GRID2: variants seen among roughly 807,000 people sequenced by gnomAD.
GRID2 encodes the protein glutamate ionotropic receptor delta type subunit 2, also known as glutamate receptor ionotropic, delta-2.
In GRID2, 33 loss-of-function variants were observed where a neutral mutation model predicts 114.8. The ratio of observed to expected loss-of-function variants is 0.29; its 90% CI spans 0.22 to 0.38. The LOEUF (loss-of-function observed/expected upper bound fraction) is 0.38. Ranked by LOEUF, GRID2 falls within the 10% of genes least tolerant of loss-of-function variation. GRID2 has a pLI of 1.00. For missense variants in GRID2, 1,184 were observed against 1,257.7 expected (o/e 0.94, Z 0.89); for synonymous variants, 505 against 449.9 (o/e 1.12, Z -1.55).
chr4:92,959,404 A>G (rs1174790093), intron 2 of GRID2, among the ~76,000 whole-genome samples: 5 of 151,382 alleles, frequency 3.3e-5, no homozygotes, highest in African/African-American at 1.2e-4. Flanking sequence ...TATGTAGTTC[A>G]ATTTTTTTTT....
At chr4:92,945,696 T>C (rs1203103387) in intron 2 of GRID2, among the ~76,000 whole-genome samples, 3 of 152,120 alleles carry the variant, frequency 2.0e-5, no homozygotes, top group East Asian at 1.9e-4. Context: ...AAAATAACTT[T>C]TGTTTTGTTT....
At chr4:93,739,399 C>T (rs1160644133) in intron 14 of GRID2, among the ~76,000 whole-genome samples, 1 of 152,102 alleles carries the variant, frequency 6.6e-6, no homozygotes, top group African/African-American at 2.4e-5. Context: ...ACCCCCTCAT[C>T]ATGCCACATA....
intron 1 of GRID2, among the ~76,000 whole-genome samples, chr4:92,355,954 G>C (rs186662308): frequency 6.7e-6 from 1 of 150,230 alleles, no homozygotes; most frequent in Non-Finnish European, 1.5e-5. Flanking sequence ...ATTGTTGAAG[G>C]AGAAAAAAAC....
intron 2 of GRID2, among the ~76,000 whole-genome samples, chr4:93,043,851 CATGTATACAT>C (rs1230327149): frequency 2.6e-5 from 4 of 151,872 alleles, no homozygotes; most frequent in Admixed American, 6.6e-5. Context: ...CAACATGGCA[CATGTATACAT>C]ATGTAACAAA....
chr4:93,213,620 G>A (rs1199027879), intron 5 of GRID2, among the ~76,000 whole-genome samples: 1 of 152,050 alleles, frequency 6.6e-6, no homozygotes, highest in Non-Finnish European at 1.5e-5. Flanking sequence ...GTTATTTTTA[G>A]TCTAAATTGG....
At chr4:93,025,267 T>C (rs188223855) in intron 2 of GRID2, among the ~76,000 whole-genome samples, 1 of 151,946 alleles carries the variant, frequency 6.6e-6, no homozygotes, top group East Asian at 1.9e-4. Context: ...CATAAGTTTA[T>C]GCCAAACAGC....
chr4:93,303,106 G>A (rs1457485118), intron 8 of GRID2, among the ~76,000 whole-genome samples: 1 of 152,128 alleles, frequency 6.6e-6, no homozygotes, highest in South Asian at 2.1e-4. Context: ...ACAGGGGGAG[G>A]TGTTACACAC....
intron 2 of GRID2, among the ~76,000 whole-genome samples, chr4:92,635,591 G>C (rs2870641): frequency 0.4 from 60,798 of 151,656 alleles, 12,912 homozygotes; most frequent in African/African-American, 0.55. Context: ...AATTCTTGTG[G>C]AATTCACTCT....
intron 14 of GRID2, among the ~76,000 whole-genome samples, chr4:93,746,981 G>C (rs537056454): frequency 1.3e-5 from 2 of 151,840 alleles, no homozygotes; most frequent in Non-Finnish European, 2.9e-5. Flanking sequence ...TGGTATGTAT[G>C]TGTTTTATAT....
chr4:92,693,561 C>G (rs755061175), intron 2 of GRID2, among the ~76,000 whole-genome samples: 4 of 152,192 alleles, frequency 2.6e-5, no homozygotes, highest in Non-Finnish European at 4.4e-5. Flanking sequence ...ATCTTTAACA[C>G]AGTACTGTGA....
chr4:93,064,797 G>A (rs1209005606), intron 2 of GRID2, among the ~76,000 whole-genome samples: 2 of 151,772 alleles, frequency 1.3e-5, no homozygotes, highest in Non-Finnish European at 2.9e-5. Flanking sequence ...ACGTATATTA[G>A]CATATGTTTA....
chr4:92,427,256 T>C (rs1221002545), intron 1 of GRID2, among the ~76,000 whole-genome samples: 1 of 152,168 alleles, frequency 6.6e-6, no homozygotes, highest in Non-Finnish European at 1.5e-5. Flanking sequence ...TATGGGACCT[T>C]ATCAGTATTT....
chr4:92,562,007 T>A (rs1727125079), intron 1 of GRID2, among the ~76,000 whole-genome samples: 1 of 152,186 alleles, frequency 6.6e-6, no homozygotes, highest in Non-Finnish European at 1.5e-5. Context: ...ATAGGCAAAC[T>A]CACACCTACA....
intron 1 of GRID2, among the ~76,000 whole-genome samples, chr4:92,514,090 G>C (rs545835403): frequency 6.6e-6 from 1 of 151,924 alleles, no homozygotes; most frequent in Non-Finnish European, 1.5e-5. Flanking sequence ...TAAAAAACAT[G>C]AAAAGGGTTT....
intron 2 of GRID2, among the ~76,000 whole-genome samples, chr4:92,876,726 G>C (rs1745663395): frequency 6.6e-6 from 1 of 152,192 alleles, no homozygotes; most frequent in Non-Finnish European, 1.5e-5. Context: ...TGATTCATTA[G>C]TTTTTATTTT....
At chr4:92,856,332 C>T (rs1744178612) in intron 2 of GRID2, among the ~76,000 whole-genome samples, 2 of 152,068 alleles carry the variant, frequency 1.3e-5, no homozygotes, top group South Asian at 4.1e-4. Flanking sequence ...ACTCCACCTC[C>T]CATTCCAGTC....
intron 4 of GRID2, among the ~76,000 whole-genome samples, chr4:93,132,787 C>T (rs552987431): frequency 6.6e-6 from 1 of 152,128 alleles, no homozygotes; most frequent in Admixed American, 6.6e-5. Context: ...AGAATTCACA[C>T]AGAAAAGTGC....
intron 4 of GRID2, among the ~76,000 whole-genome samples, chr4:93,111,372 T>C (rs1014112588): frequency 1.3e-5 from 2 of 152,196 alleles, no homozygotes; most frequent in East Asian, 1.9e-4. Flanking sequence ...TGATTACTGT[T>C]ACAAAACATA....
chr4:92,617,595 T>A (rs1730062890), intron 2 of GRID2, among the ~76,000 whole-genome samples: 2 of 151,810 alleles, frequency 1.3e-5, no homozygotes, highest in Admixed American at 6.6e-5. Flanking sequence ...CCACATTTTT[T>A]ATCCAGTAAT....
Sources: gnomAD v4.1 joint callset for allele counts (sites outside exome capture counted in the v4.1 genomes callset) on GRCh38, gnomAD v4.1.1 for gene constraint, MANE v1.5 for transcripts, NCBI Gene and HGNC (gene_info 2026-07-23, HGNC 2026-07-21) for gene names.